The following COX16 variants were observed in gnomAD, a reference collection of about 807,000 sequenced individuals.
COX16 encodes the protein cytochrome c oxidase assembly protein COX16 homolog, mitochondrial.
In COX16, 12 loss-of-function variants were observed where a neutral mutation model predicts 15.4. That is an observed-to-expected ratio of 0.78 (90% confidence interval 0.50 to 1.26). COX16 has a LOEUF of 1.26. COX16 is among the 50% of genes most tolerant of loss of function. The pLI, the probability that COX16 is intolerant of heterozygous loss-of-function variation, is 0.00. For missense variants in COX16, 124 were observed against 127.6 expected (o/e 0.97, Z 0.14); for synonymous variants, 46 against 41.1 (o/e 1.12, Z -0.46).
chr14:70,349,033 A>G (rs142510653), intron 1 of COX16, among the ~76,000 whole-genome samples: 68 of 152,330 alleles, frequency 4.5e-4, no homozygotes, highest in African/African-American at 1.5e-3. Context: ...AGCAAGGACC[A>G]TGGTATGTCA....
chr14:70,359,315 G>A (rs1396642589), intron 1 of COX16: 1 of 654,012 alleles, frequency 1.5e-6, no homozygotes, highest in Non-Finnish European at 2.8e-6. Flanking sequence ...AATCCAACCG[G>A]GAGTGGGGGA....
chr14:70,334,368 C>G (rs2140695720), intron 2 of COX16, among the ~76,000 whole-genome samples: 1 of 152,156 alleles, frequency 6.6e-6, no homozygotes, highest in East Asian at 1.9e-4. Context: ...ACTAAAATTA[C>G]AAAAATTCAT....
At chr14:70,356,020 C>T (rs910265624) in intron 1 of COX16, among the ~76,000 whole-genome samples, 1 of 152,060 alleles carries the variant, frequency 6.6e-6, no homozygotes, top group Non-Finnish European at 1.5e-5. Flanking sequence ...AGCTTGAGGC[C>T]CGCACCAGAA....
At chr14:70,347,927 T>C (rs1205825160) in intron 1 of COX16, among the ~76,000 whole-genome samples, 1 of 152,166 alleles carries the variant, frequency 6.6e-6, no homozygotes, top group Non-Finnish European at 1.5e-5. Context: ...GCCCTCTCCA[T>C]GAGCCTTCAA....
chr14:70,354,659 T>C (rs138565390), intron 1 of COX16, among the ~76,000 whole-genome samples: 1 of 152,312 alleles, frequency 6.6e-6, no homozygotes, highest in African/African-American at 2.4e-5. Context: ...TCTCTTTTTT[T>C]GGCTGTTCCT....
intron 2 of COX16, among the ~76,000 whole-genome samples, chr14:70,337,656 C>T (rs1017280984): frequency 5.3e-5 from 8 of 151,942 alleles, no homozygotes; most frequent in Admixed American, 2.0e-4. Flanking sequence ...ATGTTGGAGA[C>T]AGGCCTTTTA....
chr14:70,331,694 T>C lies in COX16; in HGVS notation c.142-2458A>G, dbSNP rs539634506. 2.0e-5 allele frequency among the ~76,000 whole-genome samples: 3 copies of C among 152,330 alleles called. No homozygotes were observed. The South Asian group carries it at 6.2e-4, about 32-fold the overall frequency. ...AATTGCTGGTAACAGTATAGATGGATAGTCATTCTGAAAAACAGTTTGGAA... is the reference window on the plus strand; with the variant it reads ...AATTGCTGGTAACAGTATAGATGGACAGTCATTCTGAAAAACAGTTTGGAA... On this transcript the variant is annotated intron_variant, in intron 2 of 3. Transcript: ENST00000389912.
intron 2 of COX16, among the ~76,000 whole-genome samples, chr14:70,341,969 T>C (rs1014855840): frequency 1.3e-5 from 2 of 152,280 alleles, no homozygotes; most frequent in Admixed American, 1.3e-4. Context: ...GTAACAGTTA[T>C]TAAAGATACA....
At chr14:70,351,823 A>C in intron 1 of COX16, among the ~76,000 whole-genome samples, 1 of 152,312 alleles carries the variant, frequency 6.6e-6, no homozygotes, top group Middle Eastern at 3.4e-3. Flanking sequence ...TCAAAATTAT[A>C]AAAGTTTATG....
At chr14:70,340,722 G>A (rs1886599397) in intron 2 of COX16, among the ~76,000 whole-genome samples, 1 of 152,116 alleles carries the variant, frequency 6.6e-6, no homozygotes, top group African/African-American at 2.4e-5. Context: ...CTGCCAGAGA[G>A]TTAGTTCTAA....
intron 2 of COX16, among the ~76,000 whole-genome samples, chr14:70,329,469 C>T (rs1886209781): frequency 6.6e-6 from 1 of 151,938 alleles, no homozygotes; most frequent in Non-Finnish European, 1.5e-5. Context: ...GGCATTTTGA[C>T]ATATATTATC....
In COX16 at chr14:70,325,679, T is replaced by C. The variant is rs1886044913; in HGVS notation, c.*654A>G. ...GTATTTCTCAAAATGTAGTCATCTA[T>C]GGATTTACTGAACAAATTTGCCATA... On this transcript the variant is annotated 3_prime_UTR_variant, in exon 4 of 4. Coordinates refer to ENST00000389912, the MANE Select transcript of COX16 (RefSeq NM_016468.7). The C allele has an allele frequency of 6.9e-6, 1 of 145,670 alleles. No individual in the cohort carries two copies. The allele number at this position is 145,670 out of a possible 1,614,324, so 9.0% of individuals were successfully genotyped here. A position where few individuals can be genotyped will look rare whatever the true frequency, so the allele number is the denominator to read the frequency against.
intron 1 of COX16, among the ~76,000 whole-genome samples, chr14:70,344,005 T>G (rs1344722424): frequency 1.3e-5 from 2 of 152,216 alleles, no homozygotes; most frequent in Non-Finnish European, 2.9e-5. Flanking sequence ...TTGGTCAGTT[T>G]GGAGTTGGAC....
intron 2 of COX16, among the ~76,000 whole-genome samples, chr14:70,330,111 G>A (rs898088844): frequency 3.8e-4 from 58 of 151,840 alleles, no homozygotes; most frequent in African/African-American, 1.3e-3. Flanking sequence ...TAAGAAATAA[G>A]CACAACAAAA....
chr14:70,325,954 A>G lies in COX16; in HGVS notation c.*379T>C, dbSNP rs1886055447. 6.5e-6 allele frequency: 1 copy of G among 153,338 alleles called. No homozygotes were observed. The highest frequency in any genetic ancestry group is 2.1e-4 in the South Asian group (1 of 4,872). 9.5% of individuals were successfully genotyped at this position (153,338 alleles called of 1,614,324 possible). ...ATTTGGATCCAGACCTACTGTCCTC[A>G]TTAGGAATCAGAAATCAGAGAATCA... On this transcript the variant is annotated 3_prime_UTR_variant, in exon 4 of 4. Coordinates refer to ENST00000389912, the MANE Select transcript of COX16 (RefSeq NM_016468.7).
intron 1 of COX16, among the ~76,000 whole-genome samples, chr14:70,357,092 C>T (rs537260378): frequency 1.6e-4 from 20 of 126,912 alleles, no homozygotes; most frequent in Non-Finnish European, 2.7e-4. Context: ...ATTCACAAAG[C>T]TCTCTGTAGT....
chr14:70,349,469 A>T (rs1183944803), intron 1 of COX16, among the ~76,000 whole-genome samples: 1 of 152,208 alleles, frequency 6.6e-6, no homozygotes, highest in Non-Finnish European at 1.5e-5. Context: ...ACATCCATCC[A>T]GTCCGATACA....
chr14:70,348,882 C>T (rs1886860279), intron 1 of COX16, among the ~76,000 whole-genome samples: 2 of 152,170 alleles, frequency 1.3e-5, no homozygotes, highest in Non-Finnish European at 2.9e-5. Context: ...AATCCTATAT[C>T]GGCTGGAAAT....
rs1886671483 is a variant in COX16 at position 70,343,113 on chromosome 14, T to G, written c.70-384A>C. 4.6e-5 allele frequency among the ~76,000 whole-genome samples: 7 copies of G among 152,186 alleles called. No homozygotes were observed. In the South Asian group the frequency reaches 1.5e-3, roughly 32 times the overall value. On this transcript the variant is annotated intron_variant, in intron 1 of 3. Coordinates refer to ENST00000389912, the MANE Select transcript of COX16 (RefSeq NM_016468.7). The stretch of plus-strand genomic sequence containing the variant: ...AAAGCACAGCCAGCTAAATGACTTG[T>G]CCATTGTTAACTTAAATTTTGCCCA...
Sources: allele counts gnomAD v4.1 joint callset (sites outside exome capture counted in the v4.1 genomes callset), GRCh38; gene constraint gnomAD v4.1.1; transcripts MANE v1.5; gene names NCBI Gene and HGNC (gene_info 2026-07-23, HGNC 2026-07-21).